The following BCL9 variants were observed in gnomAD, a reference collection of about 807,000 sequenced individuals.
BCL9 encodes BCL9 transcription coactivator, also known as B-cell CLL/lymphoma 9 protein.
In BCL9, 25 loss-of-function variants were observed where a neutral mutation model predicts 88.5. The ratio of observed to expected loss-of-function variants is 0.28; its 90% CI spans 0.21 to 0.39. The LOEUF is 0.39. BCL9 is among the 10% of genes least tolerant of loss of function. The probability of loss-of-function intolerance (pLI) is 1.00; values close to 1 mark genes in which losing one functional copy is unlikely to be tolerated. For synonymous variants in BCL9, 711 were observed against 673.3 expected (o/e 1.06, Z -0.87); for missense variants, 1,817 against 1,877.8 (o/e 0.97, Z 0.60).
Position 147,609,695 on chromosome 1 carries a change from G to T in BCL9, c.-259-1883G>T, listed in dbSNP as rs138365384. On this transcript the variant is annotated intron_variant, in intron 3 of 9. Coordinates refer to ENST00000234739, the MANE Select transcript of BCL9 (RefSeq NM_004326.4). ...CATAAATGCTTGGCAGATTAATGAG[G>T]TGATTTGATAATTGTAATGTTTTGA... Among the ~76,000 whole-genome samples the T allele has an allele frequency of 4.0e-3, 602 of 152,320 alleles. 4 individuals carry two copies. Among genetic ancestry groups the T allele is most frequent in the African/African-American group, 0.014 (566 of 41,570 alleles).
At chr1:147,594,474 C>G (rs1213246704) in intron 1 of BCL9, among the ~76,000 whole-genome samples, 12 of 152,238 alleles carry the variant, frequency 7.9e-5, no homozygotes, top group African/African-American at 2.9e-4. Context: ...GATGAGCAAG[C>G]TGAGTAGATA....
chr1:147,545,593 A>G (rs1377532917), intron 1 of BCL9, among the ~76,000 whole-genome samples: 2 of 152,220 alleles, frequency 1.3e-5, no homozygotes, highest in Non-Finnish European at 2.9e-5. Context: ...CTCTGCATAA[A>G]TAAAAATTCT....
At chr1:147,579,293 A>T (rs1656256474) in intron 1 of BCL9, among the ~76,000 whole-genome samples, 1 of 152,200 alleles carries the variant, frequency 6.6e-6, no homozygotes, top group Non-Finnish European at 1.5e-5. Flanking sequence ...GGATCAAATG[A>T]TTCCTAGGAT....
At chr1:147,597,917 G>C (rs1296934418) in intron 1 of BCL9, among the ~76,000 whole-genome samples, 8 of 152,190 alleles carry the variant, frequency 5.3e-5, no homozygotes, top group Non-Finnish European at 1.2e-4. Context: ...AGGGCTTAAC[G>C]CTTAGTAAAA....
intron 1 of BCL9, among the ~76,000 whole-genome samples, chr1:147,581,639 G>A (rs1656376172): frequency 6.6e-6 from 1 of 152,280 alleles, no homozygotes; most frequent in Middle Eastern, 3.4e-3. Context: ...CAGGACCTAC[G>A]TCAGCTCTTT....
intron 1 of BCL9, among the ~76,000 whole-genome samples, chr1:147,575,039 AC>A (rs1418943339): frequency 1.3e-5 from 2 of 152,206 alleles, no homozygotes; most frequent in Non-Finnish European, 2.9e-5. Context: ...AGAAGACTGT[AC>A]AAAAAAGACG....
At chr1:147,587,756 CTGTGTGTGTG>C (rs3045400) in intron 1 of BCL9, among the ~76,000 whole-genome samples, 1,772 of 141,874 alleles carry the variant, frequency 0.012, 24 homozygotes, top group African/African-American at 0.041. Flanking sequence ...GTAGTGAGGC[CTGTGTGTGTG>C]TGTGTGTGTG....
Position 147,612,804 on chromosome 1 carries a change from A to G in BCL9, c.54-79A>G, listed in dbSNP as rs587630786. The G allele has an allele frequency of 1.1e-4, 152 of 1,447,304 alleles. 1 individual carries two copies. Among genetic ancestry groups the G allele is most frequent in the Admixed American group, 1.0e-3 (55 of 54,046 alleles). 89.7% of individuals were successfully genotyped at this position (1,447,304 alleles called of 1,614,324 possible). On this transcript the variant is annotated intron_variant, in intron 4 of 9. Coordinates refer to ENST00000234739, the MANE Select transcript of BCL9 (RefSeq NM_004326.4). The stretch of plus-strand genomic sequence containing the variant: ...GTCCTAAGGGTCTCCTTGACCCCCA[A>G]TAGAAACTGCCTCTCTCTAATTTGT...
intron 1 of BCL9, among the ~76,000 whole-genome samples, chr1:147,568,775 GT>G (rs1557829220): frequency 6.6e-6 from 1 of 152,134 alleles, no homozygotes; most frequent in African/African-American, 2.4e-5. Flanking sequence ...GGCATTGGGC[GT>G]TCCAAAAGAA....
At chr1:147,622,677 G>A in intron 9 of BCL9, 146 bp downstream of exon 9, 1 of 1,036,692 alleles carries the variant, frequency 9.6e-7, no homozygotes, top group Admixed American at 2.8e-5. Flanking sequence ...TCAGTAGAAT[G>A]AAAGTGTCTT....
rs587617841 is a variant in BCL9, at chr1:147,572,866, C to T, written c.-478+31192C>T. ...GACTGCTGGGATTATAGGCGTGAGCCGCTACACATGGCCACAGGTAGAAGA... is the reference window on the plus strand; with the variant it reads ...GACTGCTGGGATTATAGGCGTGAGCTGCTACACATGGCCACAGGTAGAAGA... On this transcript the variant is annotated intron_variant, in intron 1 of 9. Transcript: ENST00000234739. Among the ~76,000 whole-genome samples, 12 of 152,366 alleles carry T rather than the reference C, an allele frequency of 7.9e-5. No individual in the cohort carries two copies. The South Asian group carries it at 8.3e-4, about 11-fold the overall frequency.
intron 1 of BCL9, among the ~76,000 whole-genome samples, chr1:147,560,661 T>A (rs1168289183): frequency 6.6e-6 from 1 of 150,990 alleles, no homozygotes; most frequent in African/African-American, 2.4e-5. Flanking sequence ...AATCCCAGCA[T>A]TTTGGGAGGC....
At chr1:147,602,715 C>T (rs1657461697) in intron 1 of BCL9, among the ~76,000 whole-genome samples, 1 of 152,158 alleles carries the variant, frequency 6.6e-6, no homozygotes, top group South Asian at 2.1e-4. Context: ...AGAACAATTT[C>T]CATAGAGTTC....
At chr1:147,592,371 T>C (rs1656882455) in intron 1 of BCL9, among the ~76,000 whole-genome samples, 1 of 152,226 alleles carries the variant, frequency 6.6e-6, no homozygotes, top group Non-Finnish European at 1.5e-5. Flanking sequence ...TCTGAGTATC[T>C]TTCCTTCTAT....
intron 4 of BCL9, among the ~76,000 whole-genome samples, chr1:147,612,436 C>T (rs1658056160): frequency 6.6e-6 from 1 of 152,174 alleles, no homozygotes; most frequent in African/African-American, 2.4e-5. Flanking sequence ...GTCACCAGCT[C>T]CCGTGCTCTT....
rs782818174 is a variant in BCL9 at position 147,625,277 on chromosome 1, C to T, written c.*318C>T. On this transcript the variant is annotated 3_prime_UTR_variant, in exon 10 of 10. Coordinates refer to ENST00000234739, the MANE Select transcript of BCL9 (RefSeq NM_004326.4). Reference sequence around the variant, plus strand: ...AATTGCCATCGGTCATGTGTTGCACCGTTCTCTGTATGTTTACGTCCTTTG... The same window carrying T: ...AATTGCCATCGGTCATGTGTTGCACTGTTCTCTGTATGTTTACGTCCTTTG... 1.2e-5 allele frequency: 4 copies of T among 323,838 alleles called. No homozygotes were observed. The highest frequency in any genetic ancestry group is 6.8e-5 in the South Asian group (1 of 14,720). The allele number at this position is 323,838 out of a possible 1,614,324, so 20.1% of individuals were successfully genotyped here. A position where few individuals can be genotyped will look rare whatever the true frequency, so the allele number is the denominator to read the frequency against.
At chr1:147,570,021 G>A (rs1455977177) in intron 1 of BCL9, among the ~76,000 whole-genome samples, 1 of 152,224 alleles carries the variant, frequency 6.6e-6, no homozygotes, top group Non-Finnish European at 1.5e-5. Context: ...GGGACATCTT[G>A]ATGGTGATGT....
chr1:147,594,550 G>A (rs1418899804), intron 1 of BCL9, among the ~76,000 whole-genome samples: 1 of 152,194 alleles, frequency 6.6e-6, no homozygotes, highest in Non-Finnish European at 1.5e-5. Context: ...CATAGTTAAA[G>A]TTCTTTAAAC....
chr1:147,565,611 C>T (rs587697735), intron 1 of BCL9, among the ~76,000 whole-genome samples: 6 of 152,298 alleles, frequency 3.9e-5, no homozygotes, highest in African/African-American at 1.4e-4. Flanking sequence ...CTAGAGTGTT[C>T]TGTGATTCAG....
Sources: gnomAD v4.1 joint callset for allele counts (sites outside exome capture counted in the v4.1 genomes callset) on GRCh38, gnomAD v4.1.1 for gene constraint, MANE v1.5 for transcripts, NCBI Gene and HGNC (gene_info 2026-07-23, HGNC 2026-07-21) for gene names.